The following ZNF273 variants were observed in gnomAD, a reference collection of about 807,000 sequenced individuals.
ZNF273 encodes zinc finger protein 273.
Under a neutral mutation model 14.9 loss-of-function variants are expected in ZNF273, and 11 were observed. The observed-to-expected ratio is 0.74, with a 90% confidence interval of 0.46 to 1.22. The LOEUF (loss-of-function observed/expected upper bound fraction) is 1.22, where lower values mean the gene tolerates loss of function less well. ZNF273 is among the 50% of genes most tolerant of loss of function. The pLI, the probability that ZNF273 is intolerant of heterozygous loss-of-function variation, is 0.00. For missense variants in ZNF273, 577 were observed against 660.6 expected, an observed-to-expected ratio of 0.87 and a Z score of 1.39; for synonymous variants, 199 against 223.9, an observed-to-expected ratio of 0.89 and a Z score of 0.99.
At chr7:64,901,687 G>T (rs901161820), upstream of ZNF273, among the ~76,000 whole-genome samples, 1 of 152,098 alleles carries the variant, frequency 6.6e-6, no homozygotes, top group South Asian at 2.1e-4. Context: ...TCTCTTAAAA[G>T]CACTTGTAAT....
At chr7:64,917,411 G>A (rs989968552) in intron 1 of ZNF273, among the ~76,000 whole-genome samples, 170 bp from the exon 2 acceptor site, 1 of 152,200 alleles carries the variant, frequency 6.6e-6, no homozygotes, top group African/African-American at 2.4e-5. Flanking sequence ...CAGAGTTAGA[G>A]AACACATTTG....
intron 1 of ZNF273, among the ~76,000 whole-genome samples, chr7:64,907,281 T>C (rs1168529624): frequency 1.3e-5 from 2 of 152,228 alleles, no homozygotes. Flanking sequence ...TTCCATCAAC[T>C]GTTCCTGGAG....
chr7:64,924,320 CTA>C (rs1381167402), intron 3 of ZNF273: 1 of 152,036 alleles, frequency 6.6e-6, no homozygotes, highest in Non-Finnish European at 1.5e-5. Context: ...TTTTGTATAC[CTA>C]TGTTAGGAAT....
intron 1 of ZNF273, among the ~76,000 whole-genome samples, chr7:64,887,375 T>A (rs115453378): frequency 0.011 from 1,742 of 152,276 alleles, 31 homozygotes; most frequent in African/African-American, 0.039. Flanking sequence ...TCTCCCTCCT[T>A]CCATGTGGCC....
chr7:64,913,706 G>C (rs1793735226), intron 1 of ZNF273, among the ~76,000 whole-genome samples: 1 of 152,198 alleles, frequency 6.6e-6, no homozygotes, highest in Non-Finnish European at 1.5e-5. Flanking sequence ...ATGAGCCTAA[G>C]GGGAGCAACA....
At chr7:64,886,650 A>G (rs1012004085) in intron 1 of ZNF273, among the ~76,000 whole-genome samples, 1 of 152,188 alleles carries the variant, frequency 6.6e-6, no homozygotes, top group African/African-American at 2.4e-5. Context: ...GTAATCCCCA[A>G]TCTCCATAGT....
chr7:64,924,073 A>G (rs1319724605), intron 3 of ZNF273: 3 of 152,072 alleles, frequency 2.0e-5, no homozygotes, highest in African/African-American at 7.2e-5. Context: ...CATCTTCCCA[A>G]TATTTCAACT....
chr7:64,886,974 C>A (rs1302110729), intron 1 of ZNF273, among the ~76,000 whole-genome samples: 1 of 152,220 alleles, frequency 6.6e-6, no homozygotes. Context: ...ATAGTGGCAG[C>A]AGATCTGTGC....
chr7:64,887,642 C>T (rs7455686), intron 1 of ZNF273, among the ~76,000 whole-genome samples: 4 of 142,574 alleles, frequency 2.8e-5, no homozygotes, highest in Admixed American at 7.4e-5. Flanking sequence ...AGATTACAGG[C>T]GCCCGCCACT....
chr7:64,919,286 T>G (rs922123552), intron 3 of ZNF273, among the ~76,000 whole-genome samples: 1 of 152,210 alleles, frequency 6.6e-6, no homozygotes, highest in South Asian at 2.1e-4. Flanking sequence ...TATTTATTCT[T>G]TGAATCCATA....
chr7:64,901,204 T>C (rs1792692589), upstream of ZNF273, among the ~76,000 whole-genome samples: 1 of 152,136 alleles, frequency 6.6e-6, no homozygotes, highest in Non-Finnish European at 1.5e-5. Flanking sequence ...GGTTTTACCA[T>C]GTTGGCCAGG....
chr7:64,921,605 C>CCTTT (rs1794451548), intron 3 of ZNF273, among the ~76,000 whole-genome samples: 1 of 57,928 alleles, frequency 1.7e-5, no homozygotes, highest in African/African-American at 6.7e-5. Context: ...CATGCTAATG[C>CCTTT]TTTTTTTTTT....
intron 1 of ZNF273, among the ~76,000 whole-genome samples, chr7:64,913,747 C>A (rs561346093): frequency 1.1e-4 from 17 of 151,974 alleles, no homozygotes; most frequent in African/African-American, 4.1e-4. Flanking sequence ...TTTAAAACAC[C>A]GATTCATGGA....
chr7:64,887,895 G>A (rs1791695474), intron 1 of ZNF273, among the ~76,000 whole-genome samples: 1 of 151,848 alleles, frequency 6.6e-6, no homozygotes. Context: ...GTGGTCGGGT[G>A]GGTCACTGGT....
intron 3 of ZNF273, among the ~76,000 whole-genome samples, chr7:64,895,107 A>C (rs1792289631): frequency 6.6e-6 from 1 of 152,190 alleles, no homozygotes; most frequent in South Asian, 2.1e-4. Flanking sequence ...GCTGCACTCC[A>C]GCCTGGGTGG....
intron 1 of ZNF273, among the ~76,000 whole-genome samples, chr7:64,912,565 CCAGTTATCTACTGAGTT>C (rs1327863760): frequency 1.3e-5 from 2 of 152,046 alleles, no homozygotes; most frequent in Non-Finnish European, 2.9e-5. Flanking sequence ...ATGCCTGAAT[CCAGTTATCTACTGAGTT>C]CAGATGTCCA....
downstream of ZNF273, among the ~76,000 whole-genome samples, chr7:64,934,458 T>TA (rs1377507407): frequency 6.6e-6 from 1 of 152,218 alleles, no homozygotes; most frequent in East Asian, 1.9e-4. Context: ...ATTCAGGACT[T>TA]ACATTTAAGT....
chr7:64,902,192 C>A (rs1792761866), upstream of ZNF273, among the ~76,000 whole-genome samples: 1 of 150,838 alleles, frequency 6.6e-6, no homozygotes, highest in African/African-American at 2.4e-5. Context: ...ACAATAAATT[C>A]CACCTGTTTC....
At chr7:64,889,487 T>G (rs1791831045), downstream of ZNF273, 7 of 985,888 alleles carry the variant, frequency 7.1e-6, no homozygotes, top group Admixed American at 6.1e-5. This position sits in a 1 kb window ranked among gnomAD's most constrained non-coding sequence, Gnocchi z 4.2. Flanking sequence ...GACGCCAGGT[T>G]CCCGGTTTCT....
Sources: allele counts gnomAD v4.1 joint callset (sites outside exome capture counted in the v4.1 genomes callset), GRCh38; gene constraint gnomAD v4.1.1; non-coding constraint Gnocchi (gnomAD v3.1); transcripts MANE v1.5; gene names NCBI Gene and HGNC (gene_info 2026-07-23, HGNC 2026-07-21).